Variants in FARS2 observed in about 807,000 individuals in gnomAD.
FARS2 encodes phenylalanyl-tRNA synthetase 2, mitochondrial, also known as phenylalanine--tRNA ligase, mitochondrial.
Under a neutral mutation model 46.4 loss-of-function variants are expected in FARS2, and 40 were observed. The ratio of observed to expected loss-of-function variants is 0.86; its 90% CI spans 0.67 to 1.12. FARS2 has a LOEUF of 1.12. Among genes scored for constraint, FARS2 ranks in the 50% most tolerant of loss-of-function variants. The probability of loss-of-function intolerance (pLI) is 0.00; values close to 1 mark genes in which losing one functional copy is unlikely to be tolerated. For missense variants in FARS2, 513 were observed against 567.9 expected (o/e 0.90, Z 0.98); for synonymous variants, 234 against 214.9 (o/e 1.09, Z -0.78).
chr6:5,624,554 C>A (rs953522855), intron 6 of FARS2, among the ~76,000 whole-genome samples: 8 of 152,224 alleles, frequency 5.3e-5, no homozygotes, highest in Non-Finnish European at 1.2e-4. Flanking sequence ...GCAATGCACA[C>A]CTTCATGAAA....
At chr6:5,523,922 C>T (rs1172341248) in intron 4 of FARS2, among the ~76,000 whole-genome samples, 1 of 152,130 alleles carries the variant, frequency 6.6e-6, no homozygotes, top group Non-Finnish European at 1.5e-5. Flanking sequence ...TTTCTTTTCC[C>T]TAGGAGTGAG....
intron 4 of FARS2, among the ~76,000 whole-genome samples, chr6:5,451,307 A>G (rs537765644): frequency 2.0e-5 from 3 of 152,146 alleles, no homozygotes; most frequent in Non-Finnish European, 4.4e-5. Context: ...GAAGGAATTA[A>G]TCTAGCCTTA....
intron 1 of FARS2, among the ~76,000 whole-genome samples, chr6:5,324,734 A>G (rs940441392): frequency 6.6e-6 from 1 of 151,428 alleles, no homozygotes; most frequent in Admixed American, 6.5e-5. Context: ...GATGAAATGA[A>G]CAATGGACTG....
At chr6:5,409,217 G>A (rs766071514) in intron 3 of FARS2, among the ~76,000 whole-genome samples, 3 of 152,132 alleles carry the variant, frequency 2.0e-5, no homozygotes, top group Admixed American at 6.5e-5. Flanking sequence ...TGGGGAGGCC[G>A]AGTTGGGTAG....
At chr6:5,349,839 G>T (rs904146385) in intron 1 of FARS2, among the ~76,000 whole-genome samples, 1 of 150,622 alleles carries the variant, frequency 6.6e-6, no homozygotes, top group South Asian at 2.1e-4. Flanking sequence ...CTGTCAGTTG[G>T]ATCTTTCTGA....
chr6:5,565,885 GA>G (rs917890566), intron 5 of FARS2, among the ~76,000 whole-genome samples: 1 of 152,104 alleles, frequency 6.6e-6, no homozygotes, highest in Non-Finnish European at 1.5e-5. Context: ...ACTGTGACAT[GA>G]AAATTTTGTG....
chr6:5,650,096 G>A (rs903767836), intron 6 of FARS2, among the ~76,000 whole-genome samples: 9 of 151,574 alleles, frequency 5.9e-5, no homozygotes, highest in African/African-American at 2.2e-4. Context: ...TCAGAGGACC[G>A]AGCCTGGGGT....
At chr6:5,600,896 G>C (rs767198467) in intron 5 of FARS2, among the ~76,000 whole-genome samples, 4 of 152,154 alleles carry the variant, frequency 2.6e-5, no homozygotes, top group Admixed American at 2.0e-4. Context: ...TCCCAAATTC[G>C]TACTTTGAGA....
At chr6:5,730,340 A>T (rs1031578008) in intron 6 of FARS2, among the ~76,000 whole-genome samples, 1 of 152,218 alleles carries the variant, frequency 6.6e-6, no homozygotes, top group East Asian at 1.9e-4. Context: ...GCTGGATAAG[A>T]TCCAAGGTAC....
intron 4 of FARS2, among the ~76,000 whole-genome samples, chr6:5,537,588 CCCGGGCTTCCTCTCGAGT>C (rs1770297141): frequency 7.0e-6 from 1 of 142,876 alleles, no homozygotes; most frequent in African/African-American, 2.7e-5. Flanking sequence ...TTGGAGATGT[CCCGGGCTTCCTCTCGAGT>C]TGGAGATGTC....
At chr6:5,645,743 G>A (rs529447252) in intron 6 of FARS2, among the ~76,000 whole-genome samples, 59 of 152,312 alleles carry the variant, frequency 3.9e-4, no homozygotes, top group Non-Finnish European at 7.5e-4. Context: ...TGGCACAGCC[G>A]GCTGCATTCA....
chr6:5,642,100 G>A (rs1424259727), intron 6 of FARS2, among the ~76,000 whole-genome samples: 2 of 152,180 alleles, frequency 1.3e-5, no homozygotes, highest in African/African-American at 2.4e-5. Flanking sequence ...TACTACATAG[G>A]TGCATACATA....
chr6:5,569,279 C>T (rs1772497202), intron 5 of FARS2, among the ~76,000 whole-genome samples: 3 of 151,032 alleles, frequency 2.0e-5, no homozygotes, highest in Non-Finnish European at 4.4e-5. Context: ...CTCTGTTGCC[C>T]AGGCTGGAGT....
rs1770206453 is a variant in FARS2, at chr6:5,536,458, A to C, written c.905-8722A>C. Among the ~76,000 whole-genome samples, 3 of 152,222 alleles carry C rather than the reference A, an allele frequency of 2.0e-5. No individual in the cohort carries two copies. The South Asian group carries it at 6.2e-4, about 32-fold the overall frequency. On this transcript the variant is annotated intron_variant, in intron 4 of 6. Transcript: ENST00000274680. ...TCCTTCCTTTTTTATAAGTAAGTCA[A>C]AAATAAGCTCTGCCACTTATTAGTA...
chr6:5,509,461 T>C (rs992847035), intron 4 of FARS2, among the ~76,000 whole-genome samples: 1 of 152,098 alleles, frequency 6.6e-6, no homozygotes, highest in Non-Finnish European at 1.5e-5. Context: ...GGGAAGTGAG[T>C]TGTTCCTGGT....
chr6:5,379,084 A>G (rs1405824840), intron 2 of FARS2, among the ~76,000 whole-genome samples: 1 of 152,116 alleles, frequency 6.6e-6, no homozygotes, highest in Non-Finnish European at 1.5e-5. Flanking sequence ...GCTTTCAGCA[A>G]CTCACTGCCT....
chr6:5,418,622 T>C (rs1262223457), intron 3 of FARS2, among the ~76,000 whole-genome samples: 3 of 152,238 alleles, frequency 2.0e-5, no homozygotes, highest in Non-Finnish European at 4.4e-5. Flanking sequence ...ACATGATCAG[T>C]GTTCAGTTGA....
intron 4 of FARS2, among the ~76,000 whole-genome samples, chr6:5,470,599 A>C (rs1765756875): frequency 6.6e-6 from 1 of 152,250 alleles, no homozygotes; most frequent in African/African-American, 2.4e-5. Context: ...TAGAATAACT[A>C]GTAACTATAT....
chr6:5,572,729 C>A (rs963726735), intron 5 of FARS2, among the ~76,000 whole-genome samples: 7 of 152,074 alleles, frequency 4.6e-5, no homozygotes, highest in Admixed American at 4.6e-4. Flanking sequence ...GTGCTTCTAT[C>A]CATCCTAGAT....
Sources: gnomAD v4.1 joint callset for allele counts (sites outside exome capture counted in the v4.1 genomes callset) on GRCh38, gnomAD v4.1.1 for gene constraint, MANE v1.5 for transcripts, NCBI Gene and HGNC (gene_info 2026-07-23, HGNC 2026-07-21) for gene names.